PTPRG: variants seen among roughly 807,000 people sequenced by gnomAD.
PTPRG encodes the protein receptor-type tyrosine-protein phosphatase gamma.
A neutral mutation model predicts 165.3 loss-of-function variants in PTPRG; 102 were observed. That is an observed-to-expected ratio of 0.62 (90% confidence interval 0.53 to 0.73). The LOEUF is 0.73. Ranked by LOEUF, PTPRG falls within the 30% of genes least tolerant of loss-of-function variation. The pLI is 0.00. For synonymous variants in PTPRG, 675 were observed against 669.5 expected (o/e 1.01, Z -0.13); for missense variants, 1,866 against 1,861.4 (o/e 1.00, Z -0.05).
chr3:62,144,976 T>G (rs1704066110), intron 6 of PTPRG, among the ~76,000 whole-genome samples: 2 of 152,014 alleles, frequency 1.3e-5, no homozygotes, highest in African/African-American at 4.8e-5. Flanking sequence ...AAATGCCGTT[T>G]TCCTGCTTGT....
chr3:61,649,764 T>C (rs1251302549), intron 1 of PTPRG, among the ~76,000 whole-genome samples: 1 of 152,212 alleles, frequency 6.6e-6, no homozygotes, highest in Non-Finnish European at 1.5e-5. Flanking sequence ...TAGAAATAGG[T>C]TGTCGTATAG....
intron 5 of PTPRG, among the ~76,000 whole-genome samples, chr3:62,088,625 A>G (rs1469177329): frequency 6.6e-6 from 1 of 152,252 alleles, no homozygotes; most frequent in African/African-American, 2.4e-5. Context: ...GATTTTTGAA[A>G]CAAGCACCAA....
chr3:62,287,146 G>T (rs1702694864), intron 28 of PTPRG, among the ~76,000 whole-genome samples: 1 of 152,046 alleles, frequency 6.6e-6, no homozygotes, highest in Non-Finnish European at 1.5e-5. Flanking sequence ...TTTTCTATAT[G>T]GCTGGCCACA....
At chr3:61,821,422 G>A (rs185635985) in intron 2 of PTPRG, among the ~76,000 whole-genome samples, 7 of 152,296 alleles carry the variant, frequency 4.6e-5, no homozygotes, top group African/African-American at 1.7e-4. Context: ...ACCCGCCTCG[G>A]CCTCCCAAAG....
chr3:61,582,109 A>G (rs1400991482), intron 1 of PTPRG, among the ~76,000 whole-genome samples: 1 of 151,932 alleles, frequency 6.6e-6, no homozygotes, highest in Non-Finnish European at 1.5e-5. Context: ...CTGGTACTAC[A>G]GACGTGTACC....
intron 5 of PTPRG, among the ~76,000 whole-genome samples, chr3:62,121,634 A>G (rs1297746276): frequency 6.6e-6 from 1 of 152,158 alleles, no homozygotes; most frequent in Non-Finnish European, 1.5e-5. Context: ...TTCCCAGGTT[A>G]CTGTCAATGG....
chr3:62,263,371 C>G (rs1395906000), intron 17 of PTPRG: 1 of 156,230 alleles, frequency 6.4e-6, no homozygotes, highest in Non-Finnish European at 1.4e-5. Flanking sequence ...TGTGCTTACT[C>G]CTATCTATCA....
intron 4 of PTPRG, among the ~76,000 whole-genome samples, chr3:62,011,604 C>G (rs1053695807): frequency 2.0e-5 from 3 of 151,646 alleles, no homozygotes; most frequent in African/African-American, 7.3e-5. Context: ...CATTTCAGAG[C>G]AGAATGTTTC....
intron 2 of PTPRG, among the ~76,000 whole-genome samples, chr3:61,866,752 C>T (rs1044055433): frequency 2.0e-5 from 3 of 151,886 alleles, no homozygotes; most frequent in Non-Finnish European, 4.4e-5. Context: ...GCATGTGCCA[C>T]CACGCCCAGC....
chr3:61,749,011 C>T (rs2033325013), intron 2 of PTPRG, 29 bp downstream of exon 2: 2 of 1,554,434 alleles, frequency 1.3e-6, no homozygotes, highest in Non-Finnish European at 1.8e-6. Flanking sequence ...ATGGAGATCA[C>T]ACAGGCCAGT....
chr3:62,005,690 C>CTTT (rs35487954), intron 4 of PTPRG, among the ~76,000 whole-genome samples: 3 of 60,304 alleles, frequency 5.0e-5, no homozygotes, highest in Non-Finnish European at 8.3e-5. Flanking sequence ...CATTAATATC[C>CTTT]TTTTTTTTTT....
At chr3:61,873,162 T>G (rs1200882309) in intron 2 of PTPRG, among the ~76,000 whole-genome samples, 1 of 152,202 alleles carries the variant, frequency 6.6e-6, no homozygotes, top group African/African-American at 2.4e-5. Context: ...TAGAGAAATT[T>G]TGATACATGT....
chr3:61,721,844 T>C (rs2032059906), intron 1 of PTPRG, among the ~76,000 whole-genome samples: 1 of 152,130 alleles, frequency 6.6e-6, no homozygotes, highest in South Asian at 2.1e-4. Context: ...AAGTAGTGTA[T>C]TTCCAGACAA....
chr3:61,910,373 A>G (rs1174304622), intron 2 of PTPRG, among the ~76,000 whole-genome samples: 1 of 152,206 alleles, frequency 6.6e-6, no homozygotes, highest in African/African-American at 2.4e-5. Flanking sequence ...CAAGAGTCAT[A>G]TGAGCTTACC....
intron 6 of PTPRG, among the ~76,000 whole-genome samples, chr3:62,142,371 G>A (rs541674139): frequency 2.0e-5 from 3 of 152,056 alleles, no homozygotes; most frequent in African/African-American, 4.8e-5. Flanking sequence ...CTGGCTGGCC[G>A]GGTAGGGGAA....
At chr3:61,955,982 A>G (rs1401394071) in intron 2 of PTPRG, among the ~76,000 whole-genome samples, 4 of 152,128 alleles carry the variant, frequency 2.6e-5, no homozygotes, top group East Asian at 1.9e-4. Flanking sequence ...CAGAATCTCA[A>G]TTTCAGAGAT....
chr3:61,615,008 TA>T (rs1422547798), intron 1 of PTPRG, among the ~76,000 whole-genome samples: 4 of 152,188 alleles, frequency 2.6e-5, no homozygotes. Context: ...GTTATAGTTT[TA>T]AAAAGATGGA....
At chr3:62,051,825 T>C (rs6774478) in intron 4 of PTPRG, among the ~76,000 whole-genome samples, 82,181 of 152,068 alleles carry the variant, frequency 0.54, 22,841 homozygotes, top group Middle Eastern at 0.65. Context: ...CATGTCTTAT[T>C]TGGCAGGTAT....
At position 61,761,492 on chromosome 3, in the gene PTPRG, C is replaced by T. The variant is rs1028376066; in HGVS notation, c.190+12510C>T. Among the ~76,000 whole-genome samples the T allele has an allele frequency of 8.5e-5, 13 of 152,134 alleles. No homozygotes were observed. The East Asian group carries it at 1.2e-3, about 14-fold the overall frequency. Reference sequence around the variant, plus strand: ...ACTTGGGAGGCTGAAGCAGGAGAATCGCTTGAACCCTGGAGGTGGAGGTTG... The same window carrying T: ...ACTTGGGAGGCTGAAGCAGGAGAATTGCTTGAACCCTGGAGGTGGAGGTTG... On this transcript the variant is annotated intron_variant, in intron 2 of 29. Coordinates refer to ENST00000474889, the MANE Select transcript of PTPRG (RefSeq NM_002841.4).
Sources: allele counts gnomAD v4.1 joint callset (sites outside exome capture counted in the v4.1 genomes callset), GRCh38; gene constraint gnomAD v4.1.1; transcripts MANE v1.5; gene names NCBI Gene and HGNC (gene_info 2026-07-23, HGNC 2026-07-21).